SLCO2B1: variants seen among roughly 807,000 people sequenced by gnomAD.
SLCO2B1 encodes the protein OATP-RP2.
Under a neutral mutation model 67.3 loss-of-function variants are expected in SLCO2B1, and 41 were observed. The ratio of observed to expected loss-of-function variants is 0.61; its 90% CI spans 0.47 to 0.79. The LOEUF (loss-of-function observed/expected upper bound fraction) is 0.79, where lower values mean the gene tolerates loss of function less well. SLCO2B1 is among the 30% of genes least tolerant of loss of function. The pLI, the probability that SLCO2B1 is intolerant of heterozygous loss-of-function variation, is 0.00. For synonymous variants in SLCO2B1, 379 were observed against 381.4 expected (o/e 0.99, Z 0.07); for missense variants, 837 against 920.1 (o/e 0.91, Z 1.17).
intron 4 of SLCO2B1, among the ~76,000 whole-genome samples, chr11:75,167,340 T>C (rs926021259): frequency 6.6e-6 from 1 of 152,176 alleles, no homozygotes; most frequent in Non-Finnish European, 1.5e-5. Flanking sequence ...GTACAGAATT[T>C]TCACTTTACA....
chr11:75,166,016 C>A (rs1376355884), intron 4 of SLCO2B1, 67 bp downstream of exon 4: 1 of 1,522,304 alleles, frequency 6.6e-7, no homozygotes, highest in African/African-American at 1.4e-5. Context: ...CTGGGGCCCA[C>A]CCCACAGGCA....
In SLCO2B1 at chr11:75,204,430, AG is replaced by A; in HGVS notation, c.1982del (p.Gly661ValfsTer3). 6.2e-7 allele frequency: 1 copy of A among 1,609,922 alleles called. No homozygotes were observed. The highest frequency in any genetic ancestry group is 8.5e-7 in the Non-Finnish European group (1 of 1,178,188). The part of the protein sequence containing the change: ...FIGLQFFFKT[G>X]SVICFALVLA... ...TCGGCCTCCAGTTCTTCTTCAAAACAGGTTCTGTGATCTGCTTCGCCTTAGT... is the reference window on the plus strand; with the variant it reads ...TCGGCCTCCAGTTCTTCTTCAAAACAGTTCTGTGATCTGCTTCGCCTTAGT... On this transcript the variant is annotated frameshift_variant, in exon 14 of 14. Transcript: ENST00000289575. LOFTEE classifies it low-confidence loss of function (END_TRUNC).
At position 75,163,783 on chromosome 11, in the gene SLCO2B1, C is replaced by G. The variant is rs1453950195; in HGVS notation, c.148-180C>G. ...TCTCTCTTTCTCTCCCCTCCCTCCT[C>G]CTCTCCCTGTCTCCTTTGGTCTCTC... is the stretch of plus-strand genomic sequence containing the variant. On this transcript the variant is annotated intron_variant, in intron 2 of 13. Coordinates refer to ENST00000289575, the MANE Select transcript of SLCO2B1 (RefSeq NM_007256.5). Among the ~76,000 whole-genome samples, 2 of 151,998 alleles carry G rather than the reference C, an allele frequency of 1.3e-5. No individual in the cohort carries two copies. The highest frequency in any genetic ancestry group is 4.8e-5 in the African/African-American group (2 of 41,372).
rs186131685 is a variant in SLCO2B1, at chr11:75,202,997, G to A, written c.1828+32G>A. On this transcript the variant is annotated intron_variant, in intron 12 of 13. Transcript: ENST00000289575. Reference sequence around the variant, plus strand: ...ATCTTGCTTGGGACCATTGGTGGTGGTGATGGGGTCCAGATGCCCACTGTG... The same window carrying A: ...ATCTTGCTTGGGACCATTGGTGGTGATGATGGGGTCCAGATGCCCACTGTG... 17 of 1,589,470 alleles carry A rather than the reference G, an allele frequency of 1.1e-5. 1 individual carries two copies. The East Asian group carries it at 3.8e-4, about 36-fold the overall frequency.
chr11:75,189,320 G>T (rs985619132), intron 8 of SLCO2B1, among the ~76,000 whole-genome samples: 11 of 152,178 alleles, frequency 7.2e-5, no homozygotes, highest in Non-Finnish European at 1.6e-4. Flanking sequence ...TAATCTTAAA[G>T]AAGTTAGTTT....
intron 1 of SLCO2B1, among the ~76,000 whole-genome samples, chr11:75,161,149 A>T (rs1190150242): frequency 2.0e-5 from 3 of 152,216 alleles, no homozygotes; most frequent in Non-Finnish European, 2.9e-5. Flanking sequence ...TCTAATACCT[A>T]AGACTTGAAA....
At chr11:75,169,478 G>T (rs1318642335) in intron 5 of SLCO2B1, 72 bp downstream of exon 5, 1 of 1,410,814 alleles carries the variant, frequency 7.1e-7, no homozygotes, top group Admixed American at 2.1e-5. Flanking sequence ...GAGACCCAGG[G>T]TTGGGGCTGG....
intron 1 of SLCO2B1, among the ~76,000 whole-genome samples, chr11:75,154,190 T>A (rs547161946): frequency 6.6e-6 from 1 of 150,464 alleles, no homozygotes; most frequent in African/African-American, 2.4e-5. Context: ...TCCCAAAGTG[T>A]TGGGATTACA....
chr11:75,183,707 C>T (rs895138912), intron 7 of SLCO2B1, among the ~76,000 whole-genome samples: 2 of 152,048 alleles, frequency 1.3e-5, no homozygotes, highest in African/African-American at 2.4e-5. Flanking sequence ...AAATTTTTGT[C>T]GAAATGGGGT....
intron 9 of SLCO2B1, 53 bp from the exon 10 acceptor site, chr11:75,196,461 G>C: frequency 1.9e-6 from 3 of 1,564,202 alleles, no homozygotes; most frequent in South Asian, 1.2e-5. Context: ...GCCCCAGCTA[G>C]TGGCCTAAGG....
intron 4 of SLCO2B1, among the ~76,000 whole-genome samples, chr11:75,167,618 G>A (rs1188874974): frequency 6.6e-6 from 1 of 152,194 alleles, no homozygotes; most frequent in Non-Finnish European, 1.5e-5. Context: ...TGGGGACACA[G>A]GGATGGGGAA....
intron 7 of SLCO2B1, among the ~76,000 whole-genome samples, chr11:75,180,507 T>A (rs1950080285): frequency 6.6e-6 from 1 of 152,220 alleles, no homozygotes. Flanking sequence ...CCAGCACTTG[T>A]TATCTATCAT....
chr11:75,185,725 T>C (rs1944915665), intron 7 of SLCO2B1, among the ~76,000 whole-genome samples: 1 of 151,934 alleles, frequency 6.6e-6, no homozygotes, highest in Non-Finnish European at 1.5e-5. Flanking sequence ...GAATGGCTAC[T>C]CCATAGGCAG....
intron 4 of SLCO2B1, among the ~76,000 whole-genome samples, chr11:75,166,733 AGT>A (rs1949897470): frequency 6.6e-6 from 1 of 152,226 alleles, no homozygotes; most frequent in African/African-American, 2.4e-5. Flanking sequence ...CAGGGGAATC[AGT>A]CCTTTTTACT....
Position 75,151,200 on chromosome 11 carries a change from T to C in SLCO2B1, c.-182T>C, listed in dbSNP as rs962835643. On this transcript the variant is annotated 5_prime_UTR_variant, in exon 1 of 14. An upstream start codon of the reference 5' UTR is lost. Transcript: ENST00000289575. Reference sequence around the variant, plus strand: ...CTAACCTGTGTCTGGACAAGTCTGATGTCCTGTGTGGCCCAAGAAGAACTG... The same window carrying C: ...CTAACCTGTGTCTGGACAAGTCTGACGTCCTGTGTGGCCCAAGAAGAACTG... 5.0e-6 allele frequency: 3 copies of C among 603,396 alleles called. No individual in the cohort carries two copies. In the Admixed American group the frequency reaches 8.4e-5, roughly 17 times the overall value. 37.4% of individuals were successfully genotyped at this position (603,396 alleles called of 1,614,324 possible).
chr11:75,168,885 A>G (rs911484037), intron 4 of SLCO2B1, among the ~76,000 whole-genome samples: 2 of 152,146 alleles, frequency 1.3e-5, no homozygotes, highest in Non-Finnish European at 2.9e-5. Flanking sequence ...TTGCTATGGC[A>G]CTTGCAAATG....
At chr11:75,168,960 G>A (rs117970049) in intron 4 of SLCO2B1, among the ~76,000 whole-genome samples, 1,880 of 152,260 alleles carry the variant, frequency 0.012, 16 homozygotes, top group Non-Finnish European at 0.02. Context: ...GACCTCCTGA[G>A]TTCCAATCCT....
In SLCO2B1 at chr11:75,169,701, C is replaced by G. The variant is rs140630595; in HGVS notation, c.718C>G (p.Leu240Val). ...LFAVTMMGPGLAFGLGSLMLR... is the reference protein window; with the variant it reads ...LFAVTMMGPGVAFGLGSLMLR... The stretch of plus-strand genomic sequence containing the variant: ...TGCAGTGACCATGATGGGGCCAGGC[C>G]TGGCCTTTGGGCTGGGCAGCCTCAT... The change falls in exon 6 of 14, where the codon CTG becomes GTG. Residue 240 changes from leucine (L) to valine (V), a missense_variant. Transcript: ENST00000289575. The G allele has an allele frequency of 2.2e-4, 349 of 1,614,006 alleles. 1 individual carries two copies. In the Admixed American group the frequency reaches 2.2e-3, roughly 10 times the overall value.
chr11:75,151,767 C>T, intron 1 of SLCO2B1: 1 of 269,684 alleles, frequency 3.7e-6, no homozygotes, highest in Non-Finnish European at 7.1e-6. Context: ...TGTAGTCAGA[C>T]AGTGCAGACA....
Sources: allele counts gnomAD v4.1 joint callset (sites outside exome capture counted in the v4.1 genomes callset), GRCh38; gene constraint gnomAD v4.1.1; transcripts MANE v1.5; gene names NCBI Gene and HGNC (gene_info 2026-07-23, HGNC 2026-07-21).